The following RPTOR variants were observed in gnomAD, a reference collection of about 807,000 sequenced individuals.
RPTOR encodes regulatory-associated protein of mTOR.
RPTOR carries 21 observed loss-of-function variants against 169.9 expected under a neutral mutation model. The observed-to-expected ratio is 0.12, with a 90% confidence interval of 0.09 to 0.18. RPTOR has a LOEUF of 0.18. Among genes scored for constraint, RPTOR ranks in the 10% least tolerant of loss-of-function variants. The pLI is 1.00. For synonymous variants in RPTOR, 732 were observed against 753.2 expected (o/e 0.97, Z 0.46); for missense variants, 1,133 against 1,855.9 (o/e 0.61, Z 7.16).
At chr17:80,855,725 T>G (rs2067844900) in intron 12 of RPTOR, among the ~76,000 whole-genome samples, 178 bp downstream of exon 12, 1 of 152,180 alleles carries the variant, frequency 6.6e-6, no homozygotes, top group South Asian at 2.1e-4. Flanking sequence ...GAGCCCACTC[T>G]GTACCCGTGC....
At chr17:80,963,418 C>T (rs1018976687) in intron 33 of RPTOR, among the ~76,000 whole-genome samples, 2 of 139,704 alleles carry the variant, frequency 1.4e-5, no homozygotes, top group African/African-American at 2.7e-5. Flanking sequence ...GCCCTCACCC[C>T]GTCCCCTCTG....
chr17:80,771,904 C>T lies in RPTOR; in HGVS notation c.830+17719C>T, dbSNP rs112023211. On this transcript the variant is annotated intron_variant, in intron 6 of 33. Coordinates refer to ENST00000306801, the MANE Select transcript of RPTOR (RefSeq NM_020761.3). ...AGGCAGTCACAGCTCACTGCAGCCT[C>T]GACCTCCTAGGCTCAAGTGATCCTC... is the stretch of plus-strand genomic sequence containing the variant. Among the ~76,000 whole-genome samples, 201 of 152,338 alleles carry T rather than the reference C, an allele frequency of 1.3e-3. 1 individual carries two copies. The highest frequency in any genetic ancestry group is 2.2e-3 in the Non-Finnish European group (148 of 68,034).
chr17:80,748,187 C>T (rs55735336), intron 5 of RPTOR, among the ~76,000 whole-genome samples: 6,515 of 76,844 alleles, frequency 0.085, 385 homozygotes, highest in East Asian at 0.18. Context: ...GGAGGGGCTG[C>T]GGTGTGTGTT....
At chr17:80,962,682 G>A (rs2069360405) in intron 32 of RPTOR, 105 bp downstream of exon 32, 1 of 1,173,298 alleles carries the variant, frequency 8.5e-7, no homozygotes, top group Non-Finnish European at 1.2e-6. Flanking sequence ...AGGAGGGCAG[G>A]GGAGGATTTC....
intron 3 of RPTOR, among the ~76,000 whole-genome samples, chr17:80,667,470 A>G (rs57597370): frequency 0.053 from 8,121 of 152,244 alleles, 271 homozygotes; most frequent in Non-Finnish European, 0.078. Context: ...GTGCATCGTG[A>G]GGTGCTCTTT....
intron 5 of RPTOR, among the ~76,000 whole-genome samples, chr17:80,735,804 G>T (rs963984178): frequency 6.6e-6 from 1 of 152,158 alleles, no homozygotes; most frequent in Non-Finnish European, 1.5e-5. Context: ...CAAGTTTTTG[G>T]TGGGAGCCAT....
chr17:80,925,009 C>T (rs987747760), intron 23 of RPTOR, among the ~76,000 whole-genome samples: 7 of 152,244 alleles, frequency 4.6e-5, no homozygotes, highest in Non-Finnish European at 8.8e-5. Context: ...CAGGAGCTGT[C>T]CTGGAACCAA....
Position 80,695,986 on chromosome 17 carries a change from G to C in RPTOR, c.349-11855G>C, listed in dbSNP as rs1233397861. On this transcript the variant is annotated intron_variant, in intron 3 of 33. Transcript: ENST00000306801. The surrounding 1 kb of genome is among the most constrained non-coding windows in gnomAD (Gnocchi z 4.9). ...CTGGTTACATCTTAGATGGAAATTGGCCGTGTCTCTGCTGTTTCTGAGTGT... is the reference window on the plus strand; with the variant it reads ...CTGGTTACATCTTAGATGGAAATTGCCCGTGTCTCTGCTGTTTCTGAGTGT... 2.6e-5 allele frequency among the ~76,000 whole-genome samples: 4 copies of C among 152,210 alleles called. No homozygotes were observed. Among genetic ancestry groups the C allele is most frequent in the African/African-American group, 7.2e-5 (3 of 41,450 alleles).
At chr17:80,624,186 C>T (rs937486003) in intron 1 of RPTOR, among the ~76,000 whole-genome samples, 4 of 152,100 alleles carry the variant, frequency 2.6e-5, no homozygotes, top group African/African-American at 9.6e-5. Flanking sequence ...TAGGAATAAT[C>T]CTAATAAGAA....
chr17:80,643,662 A>C, intron 2 of RPTOR, 66 bp from the exon 3 acceptor site: 1 of 1,202,008 alleles, frequency 8.3e-7, no homozygotes, highest in Non-Finnish European at 1.2e-6. Flanking sequence ...GAAACTGTGG[A>C]AGAGAGGCCT....
At chr17:80,743,453 G>C (rs1448856135) in intron 5 of RPTOR, 1 of 985,388 alleles carries the variant, frequency 1.0e-6, no homozygotes, top group East Asian at 1.1e-4. Context: ...CAGTGACAGA[G>C]GCAGGAGAAC....
chr17:80,762,157 G>A (rs182836737), intron 6 of RPTOR, among the ~76,000 whole-genome samples: 47 of 152,296 alleles, frequency 3.1e-4, no homozygotes, highest in Admixed American at 2.2e-3. Context: ...TAGAGCTCCC[G>A]TTTTAAAAGA....
chr17:80,669,745 CT>C (rs2065807877), intron 3 of RPTOR, among the ~76,000 whole-genome samples: 1 of 152,266 alleles, frequency 6.6e-6, no homozygotes, highest in African/African-American at 2.4e-5. Flanking sequence ...ACCCCCAGAC[CT>C]CTCCATGGAG....
intron 3 of RPTOR, among the ~76,000 whole-genome samples, chr17:80,671,685 C>G (rs1045487197): frequency 6.6e-6 from 1 of 152,192 alleles, no homozygotes; most frequent in Admixed American, 6.5e-5. Context: ...GAGAAGTGAG[C>G]ACACTTCTCC....
At chr17:80,899,700 C>T (rs911976211) in intron 20 of RPTOR, among the ~76,000 whole-genome samples, 2 of 152,232 alleles carry the variant, frequency 1.3e-5, no homozygotes, top group Non-Finnish European at 1.5e-5. Flanking sequence ...CCAGAGACCG[C>T]GTGTAGGTGA....
At chr17:80,664,689 C>G (rs906596556) in intron 3 of RPTOR, among the ~76,000 whole-genome samples, 1 of 152,126 alleles carries the variant, frequency 6.6e-6, no homozygotes, top group East Asian at 1.9e-4. Flanking sequence ...GATGTGAAGA[C>G]GAAGGGAGTC....
intron 20 of RPTOR, among the ~76,000 whole-genome samples, chr17:80,903,252 G>A (rs751433374): frequency 1.5e-4 from 23 of 152,200 alleles, no homozygotes; most frequent in African/African-American, 1.4e-4. Context: ...CCCGCAGGCC[G>A]CCTGTGCTCT....
intron 10 of RPTOR, among the ~76,000 whole-genome samples, chr17:80,842,129 G>T (rs34415141): frequency 0.11 from 17,347 of 152,160 alleles, 1,015 homozygotes; most frequent in Middle Eastern, 0.13. Flanking sequence ...GTCCCTTCTA[G>T]GGCCACTGGG....
At chr17:80,640,565 T>C (rs1346697465) in intron 2 of RPTOR, among the ~76,000 whole-genome samples, 1 of 152,144 alleles carries the variant, frequency 6.6e-6, no homozygotes, top group Non-Finnish European at 1.5e-5. Flanking sequence ...CAGCTGACAG[T>C]GGTTTCACCC....
Sources: gnomAD v4.1 joint callset for allele counts (sites outside exome capture counted in the v4.1 genomes callset) on GRCh38, gnomAD v4.1.1 for gene constraint, Gnocchi (gnomAD v3.1) non-coding constraint, MANE v1.5 for transcripts, NCBI Gene and HGNC (gene_info 2026-07-23, HGNC 2026-07-21) for gene names.